The following KDM4B variants were observed in gnomAD, a reference collection of about 807,000 sequenced individuals.
The protein encoded by KDM4B is lysine-specific demethylase 4B.
KDM4B carries 32 observed loss-of-function variants against 125.2 expected under a neutral mutation model. The ratio of observed to expected loss-of-function variants is 0.26; its 90% confidence interval spans 0.19 to 0.34. The LOEUF (loss-of-function observed/expected upper bound fraction) is 0.34, where lower values mean the gene tolerates loss of function less well. KDM4B is among the 10% of genes least tolerant of loss of function. The probability of loss-of-function intolerance (pLI) is 1.00; values close to 1 mark genes in which losing one functional copy is unlikely to be tolerated. For missense variants in KDM4B, 1,190 were observed against 1,577.7 expected (o/e 0.75, Z 4.16); for synonymous variants, 721 against 677.9 (o/e 1.06, Z -0.99).
chr19:5,044,620 C>T (rs938316635), intron 5 of KDM4B, among the ~76,000 whole-genome samples: 2 of 152,204 alleles, frequency 1.3e-5, no homozygotes, highest in Non-Finnish European at 2.9e-5. Flanking sequence ...GCAATCTCAG[C>T]TCTCTGCAAC....
chr19:5,045,752 G>T (rs2037005970), intron 5 of KDM4B, among the ~76,000 whole-genome samples: 1 of 152,036 alleles, frequency 6.6e-6, no homozygotes, highest in Non-Finnish European at 1.5e-5. Flanking sequence ...GGATTTACAG[G>T]CATGAGCCAC....
At chr19:5,016,666 T>C (rs1416198016) in intron 2 of KDM4B, among the ~76,000 whole-genome samples, 1 of 152,224 alleles carries the variant, frequency 6.6e-6, no homozygotes, top group Non-Finnish European at 1.5e-5. Flanking sequence ...CAGGACCCAC[T>C]ACCCTGTCTG....
intron 2 of KDM4B, among the ~76,000 whole-genome samples, chr19:5,021,636 G>GT (rs397859195): frequency 0.2 from 25,217 of 126,086 alleles, 2,865 homozygotes; most frequent in Middle Eastern, 0.29. Context: ...CCTGGCACAG[G>GT]TTTTTTTTTT....
chr19:5,097,021 G>A (rs1406675159), intron 9 of KDM4B, among the ~76,000 whole-genome samples: 3 of 152,214 alleles, frequency 2.0e-5, no homozygotes, highest in Admixed American at 2.0e-4. Flanking sequence ...CTGGCAGCAT[G>A]TGTGGTGTGG....
chr19:5,146,609 C>T lies in KDM4B; in HGVS notation c.3021+1707C>T, dbSNP rs145067477. Among the ~76,000 whole-genome samples the T allele has an allele frequency of 1.9e-3, 282 of 152,272 alleles. 2 individuals are homozygous for T. The highest frequency in any genetic ancestry group is 6.7e-3 in the African/African-American group (279 of 41,560). On this transcript the variant is annotated intron_variant, in intron 21 of 22. Transcript: ENST00000159111. ...AGAGAATAATCCCTGCTCAGCTCACCTGGCAGCTCTTCTCTCAGGTTATGA... is the reference window on the plus strand; with the variant it reads ...AGAGAATAATCCCTGCTCAGCTCACTTGGCAGCTCTTCTCTCAGGTTATGA...
intron 6 of KDM4B, among the ~76,000 whole-genome samples, chr19:5,054,835 C>T (rs1180553783): frequency 6.6e-6 from 1 of 152,230 alleles, no homozygotes; most frequent in Non-Finnish European, 1.5e-5. Flanking sequence ...CCCTCCCCAG[C>T]CCTCATCATC....
intron 1 of KDM4B, among the ~76,000 whole-genome samples, chr19:4,986,596 C>T (rs745993296): frequency 1.1e-4 from 17 of 152,282 alleles, no homozygotes; most frequent in Non-Finnish European, 2.2e-4. Flanking sequence ...GCTGAGGGGC[C>T]GGCGAGGAAG....
intron 13 of KDM4B, among the ~76,000 whole-genome samples, chr19:5,133,470 AGACCCCAG>A (rs1284800754): frequency 1.3e-5 from 2 of 152,172 alleles, no homozygotes; most frequent in Non-Finnish European, 2.9e-5. Context: ...ACTCAGACTC[AGACCCCAG>A]GACGGGTGTA....
chr19:5,133,743 A>G, intron 13 of KDM4B, 140 bp from the exon 14 acceptor site: 2 of 739,226 alleles, frequency 2.7e-6, no homozygotes, highest in Non-Finnish European at 4.4e-6. Context: ...AGGCAGGTGG[A>G]GGGGGAGCTA....
At chr19:5,092,395 C>G (rs1465711184) in intron 9 of KDM4B, among the ~76,000 whole-genome samples, 1 of 152,242 alleles carries the variant, frequency 6.6e-6, no homozygotes, top group Non-Finnish European at 1.5e-5. Context: ...ACCTGGGTCT[C>G]CAGGCTCCCT....
At chr19:4,984,006 A>G (rs2034741669) in intron 1 of KDM4B, among the ~76,000 whole-genome samples, 1 of 152,196 alleles carries the variant, frequency 6.6e-6, no homozygotes, top group African/African-American at 2.4e-5. Context: ...TTCTCACCCC[A>G]GGGGCAATTC....
chr19:5,149,295 G>A (rs2039906411), intron 21 of KDM4B, among the ~76,000 whole-genome samples: 1 of 152,252 alleles, frequency 6.6e-6, no homozygotes, highest in Non-Finnish European at 1.5e-5. Flanking sequence ...TGGTCTTAGT[G>A]TGTGACTTTT....
At chr19:4,991,567 C>T (rs187310562) in intron 1 of KDM4B, among the ~76,000 whole-genome samples, 1 of 152,340 alleles carries the variant, frequency 6.6e-6, no homozygotes, top group African/African-American at 2.4e-5. Flanking sequence ...ACTTTAGTGT[C>T]CCGTTAAAAC....
chr19:5,105,013 C>G (rs1255014557), intron 9 of KDM4B, among the ~76,000 whole-genome samples: 1 of 152,216 alleles, frequency 6.6e-6, no homozygotes, highest in African/African-American at 2.4e-5. Flanking sequence ...GAGTCGCACC[C>G]CCTGGGCTCC....
At chr19:5,108,322 C>A (rs988255581) in intron 9 of KDM4B, among the ~76,000 whole-genome samples, 1 of 152,246 alleles carries the variant, frequency 6.6e-6, no homozygotes, top group African/African-American at 2.4e-5. Flanking sequence ...CACCACCAGC[C>A]TTTCTCTCCT....
At chr19:5,043,914 C>T (rs1395309906) in intron 5 of KDM4B, among the ~76,000 whole-genome samples, 12 of 144,484 alleles carry the variant, frequency 8.3e-5, no homozygotes, top group Non-Finnish European at 1.5e-4. Flanking sequence ...CCACCTTATC[C>T]CGCGTGGTGT....
intron 13 of KDM4B, 124 bp from the exon 14 acceptor site, chr19:5,133,759 C>CA (rs2039599226): frequency 1.1e-6 from 1 of 950,752 alleles, no homozygotes; most frequent in Admixed American, 2.5e-5. Context: ...AGCTATGGGC[C>CA]AGGGACCCTG....
rs531166222 is a variant in KDM4B, at chr19:5,144,323, C to T, written c.2812C>T (p.Arg938Cys). ...KNRNGLYYRC[R>C]VIGAASQTCY... ...CCGCAACGGGCTGTACTACCGCTGT[C>T]GCGTCATCGGTGCCGCCTCGCAGAC... is the stretch of plus-strand genomic sequence containing the variant. Residue 938 changes from arginine (R) to cysteine (C), a missense_variant, in exon 20 of 23, where the codon CGC becomes TGC. Coordinates refer to ENST00000159111, the MANE Select transcript of KDM4B (RefSeq NM_015015.3). 2.2e-5 allele frequency: 35 copies of T among 1,583,372 alleles called. No homozygotes were observed. Among genetic ancestry groups the T allele is most frequent in the African/African-American group, 4.0e-5 (3 of 74,454 alleles).
intron 17 of KDM4B, 35 bp downstream of exon 17, chr19:5,137,711 GA>G: frequency 6.5e-7 from 1 of 1,547,444 alleles, no homozygotes; most frequent in South Asian, 1.2e-5. Context: ...TGGAGGGCCG[GA>G]GGGGAGCCTG....
Sources: allele counts gnomAD v4.1 joint callset (sites outside exome capture counted in the v4.1 genomes callset), GRCh38; gene constraint gnomAD v4.1.1; transcripts MANE v1.5; gene names NCBI Gene and HGNC (gene_info 2026-07-23, HGNC 2026-07-21).